Variants in EML2 observed in about 807,000 individuals in gnomAD.
EML2 encodes the protein echinoderm microtubule-associated protein-like 2.
A neutral mutation model predicts 84.7 loss-of-function variants in EML2; 59 were observed. The observed-to-expected ratio is 0.70, with a 90% CI of 0.56 to 0.86. EML2 has a LOEUF of 0.86. EML2 is among the 40% of genes least tolerant of loss of function. The pLI, the probability that EML2 is intolerant of heterozygous loss-of-function variation, is 0.00. For missense variants in EML2, 818 were observed against 855.6 expected (o/e 0.96, Z 0.55); for synonymous variants, 352 against 348.9 (o/e 1.01, Z -0.10).
chr19:45,610,489 G>T (rs887454007), intron 18 of EML2, among the ~76,000 whole-genome samples: 4 of 151,954 alleles, frequency 2.6e-5, no homozygotes, highest in Admixed American at 2.6e-4. Context: ...GATCACTTGA[G>T]GTCAGGAGTT....
chr19:45,621,687 T>A (rs1417623592), intron 9 of EML2, 50 bp from the exon 10 acceptor site: 1 of 1,570,818 alleles, frequency 6.4e-7, no homozygotes, highest in East Asian at 2.3e-5. Context: ...ACCCCTATGC[T>A]GACCCCTGAA....
chr19:45,642,221 G>T (rs569323597), upstream of EML2: 4 of 1,535,340 alleles, frequency 2.6e-6, no homozygotes, highest in Non-Finnish European at 3.5e-6. Context: ...TCGCATGCCC[G>T]CAGGCGACGC....
At chr19:45,609,940 C>A in intron 18 of EML2, 152 bp from the exon 19 acceptor site, 1 of 876,308 alleles carries the variant, frequency 1.1e-6, no homozygotes, top group Non-Finnish European at 1.7e-6. Context: ...ATGAGCACAG[C>A]TTCAATGCAG....
chr19:45,615,986 G>T, intron 15 of EML2, 97 bp from the exon 16 acceptor site: 1 of 887,382 alleles, frequency 1.1e-6, no homozygotes, highest in Non-Finnish European at 1.8e-6. Context: ...CAAATACAGA[G>T]GTAGGGCGAG....
chr19:45,642,499 C>T, upstream of EML2: 19 of 1,429,774 alleles, frequency 1.3e-5, no homozygotes, highest in Non-Finnish European at 1.7e-5. Context: ...GGACATGAGC[C>T]AAGGAAGAGG....
At chr19:45,628,401 G>C (rs1972625113) in intron 7 of EML2, among the ~76,000 whole-genome samples, 1 of 151,756 alleles carries the variant, frequency 6.6e-6, no homozygotes, top group Admixed American at 6.6e-5. Context: ...CTCAGAGAGG[G>C]TAAACCATTT....
chr19:45,637,470 ATTTTT>A (rs66503218), intron 3 of EML2, among the ~76,000 whole-genome samples: 3 of 101,660 alleles, frequency 3.0e-5, no homozygotes, highest in Non-Finnish European at 5.6e-5. Context: ...ATTATTTTGG[ATTTTT>A]TTTTTTTTTT....
chr19:45,641,688 G>T (rs1974522232), upstream of EML2: 4 of 1,536,048 alleles, frequency 2.6e-6, no homozygotes, highest in Non-Finnish European at 3.5e-6. Flanking sequence ...TGGTCCGGCT[G>T]CGGGGGTCCT....
At chr19:45,640,220 T>C (rs1426738876), upstream of EML2, 1 of 152,128 alleles carries the variant, frequency 6.6e-6, no homozygotes, top group Non-Finnish European at 1.5e-5. Context: ...GGGTGATTTT[T>C]GTTTTGTTTT....
In EML2 at chr19:45,616,572, A is replaced by AG. The variant is rs765256711; in HGVS notation, c.1412-15dup. The stretch of plus-strand genomic sequence containing the variant: ...GGTACGCCCCGTCTGGGGGAGGGGG[A>AG]GGGGGGCTATGAGGAGGCACCCAGG... On this transcript the variant is annotated splice_polypyrimidine_tract_variant and intron_variant, in intron 14 of 18. Coordinates refer to ENST00000245925, the MANE Select transcript of EML2 (RefSeq NM_012155.4). 1.4e-5 allele frequency: 23 copies of AG among 1,594,588 alleles called. No individual in the cohort carries two copies. The highest frequency in any genetic ancestry group is 1.7e-5 in the Non-Finnish European group (20 of 1,165,108).
At chr19:45,645,345 C>T (rs1289482709), upstream of EML2, 10 of 1,530,544 alleles carry the variant, frequency 6.5e-6, no homozygotes, top group East Asian at 2.0e-4. Flanking sequence ...GCCATCGCCC[C>T]ACCACAGCCA....
Position 45,621,237 on chromosome 19 carries a change from G to A in EML2, c.1092C>T (p.Ser364=), listed in dbSNP as rs752155542. Residue 364 remains serine (S), a synonymous_variant, in exon 11 of 19, where the codon TCC becomes TCT. Transcript: ENST00000245925. The part of the protein sequence containing the change: ...GTTRNSILQG[S]VHTGFSLLVQ... ...CCAGCAGTGAGAAGCCTGTGTGCAC[G>A]GAGCCCTGCAGGATGGAATTGCGGG... 16 of 1,613,832 alleles carry A rather than the reference G, an allele frequency of 9.9e-6. No individual in the cohort carries two copies. Among genetic ancestry groups the A allele is most frequent in the Admixed American group, 6.7e-5 (4 of 59,994 alleles).
At chr19:45,614,806 G>A in intron 16 of EML2, 106 bp from the exon 17 acceptor site, 1 of 912,930 alleles carries the variant, frequency 1.1e-6, no homozygotes, top group Non-Finnish European at 1.8e-6. Flanking sequence ...AGGAGGCTAA[G>A]GTCCCAGGGC....
chr19:45,625,196 G>A (rs1972161099), intron 8 of EML2, among the ~76,000 whole-genome samples: 1 of 152,130 alleles, frequency 6.6e-6, no homozygotes, highest in Non-Finnish European at 1.5e-5. Flanking sequence ...CTCCCAAGCA[G>A]CTGGGATTAC....
Position 45,634,314 on chromosome 19 carries a change from C to T in EML2, c.329+8G>A. 1.2e-6 allele frequency: 2 copies of T among 1,612,940 alleles called. No individual in the cohort carries two copies. The highest frequency in any genetic ancestry group is 8.5e-7 in the Non-Finnish European group (1 of 1,179,236). ...GCTCCCTCCCGTCCCCTCTGTCCCACATCTCACCATTTGATGTCATCGTTG... is the reference window on the plus strand; with the variant it reads ...GCTCCCTCCCGTCCCCTCTGTCCCATATCTCACCATTTGATGTCATCGTTG... On this transcript the variant is annotated splice_region_variant and intron_variant, in intron 4 of 18. Coordinates refer to ENST00000245925, the MANE Select transcript of EML2 (RefSeq NM_012155.4).
At chr19:45,624,888 C>G in intron 8 of EML2, 70 bp from the exon 9 acceptor site, 1 of 1,137,752 alleles carries the variant, frequency 8.8e-7, no homozygotes, top group Admixed American at 2.0e-5. Flanking sequence ...GGTCATCTGT[C>G]ACCCAGGACC....
At chr19:45,636,292 G>T (rs146765022) in intron 3 of EML2, among the ~76,000 whole-genome samples, 3 of 152,322 alleles carry the variant, frequency 2.0e-5, no homozygotes, top group Non-Finnish European at 2.9e-5. Flanking sequence ...TAATTAAAAA[G>T]AAATTTTCTG....
chr19:45,628,213 T>C (rs905158972), intron 7 of EML2, among the ~76,000 whole-genome samples: 12 of 147,938 alleles, frequency 8.1e-5, no homozygotes, highest in African/African-American at 3.0e-4. Context: ...CTACTAAAGA[T>C]ACAAAAAAAT....
chr19:45,643,402 C>T (rs1330561344), upstream of EML2, among the ~76,000 whole-genome samples: 1 of 152,204 alleles, frequency 6.6e-6, no homozygotes, highest in Non-Finnish European at 1.5e-5. Context: ...TTCCTCTTTT[C>T]TGTTCCCCTT....
Sources: allele counts gnomAD v4.1 joint callset (sites outside exome capture counted in the v4.1 genomes callset), GRCh38; gene constraint gnomAD v4.1.1; transcripts MANE v1.5; gene names NCBI Gene and HGNC (gene_info 2026-07-23, HGNC 2026-07-21).